The following ETS1 variants were observed in gnomAD, a reference collection of about 807,000 sequenced individuals.
ETS1 encodes the protein protein C-ets-1.
In ETS1, 15 loss-of-function variants were observed where a neutral mutation model predicts 58.6. That is an observed-to-expected ratio of 0.26 (90% CI 0.17 to 0.39). ETS1 has a LOEUF of 0.39. ETS1 is among the 10% of genes least tolerant of loss of function. The probability of loss-of-function intolerance (pLI) is 1.00; values close to 1 mark genes in which losing one functional copy is unlikely to be tolerated. For missense variants in ETS1, 417 were observed against 610.5 expected, an observed-to-expected ratio of 0.68 and a Z score of 3.34; for synonymous variants, 214 against 218.2, an observed-to-expected ratio of 0.98 and a Z score of 0.17.
chr11:128,565,975 A>T (rs976312059), intron 2 of ETS1, among the ~76,000 whole-genome samples: 1 of 152,228 alleles, frequency 6.6e-6, no homozygotes, highest in Non-Finnish European at 1.5e-5. Context: ...GAGTGTGCCA[A>T]CAACCAGAGC....
rs1322139773 is a variant in ETS1, at chr11:128,585,046, AAGAAAG to A, written c.-15+2436_-15+2441del. The stretch of plus-strand genomic sequence containing the variant: ...AAGAAAGAAAGAAAAGAAAGAAAGA[AAGAAAG>A]AAAGAAAGAAAGAAAGAAAGAAAGA... On this transcript the variant is annotated intron_variant, in intron 1 of 9. Transcript: ENST00000392668. 3.7e-3 allele frequency among the ~76,000 whole-genome samples: 87 copies of A among 23,264 alleles called. 11 individuals are homozygous for A. Among genetic ancestry groups the A allele is most frequent in the African/African-American group, 0.032 (77 of 2,424 alleles). 15.3% of individuals were successfully genotyped at this position (23,264 alleles called of 152,430 possible).
intron 3 of ETS1, among the ~76,000 whole-genome samples, chr11:128,532,321 G>A (rs1024640725): frequency 3.3e-5 from 5 of 152,236 alleles, no homozygotes; most frequent in African/African-American, 9.6e-5. Context: ...TCAAACCATC[G>A]GTGCTCTTAG....
chr11:128,578,226 G>A (rs1864792626), intron 1 of ETS1, among the ~76,000 whole-genome samples: 1 of 152,132 alleles, frequency 6.6e-6, no homozygotes, highest in East Asian at 1.9e-4. Context: ...AGGGCAGGTT[G>A]AGAGACACAG....
chr11:128,543,240 T>C (rs1381632542), intron 3 of ETS1, among the ~76,000 whole-genome samples: 1 of 151,988 alleles, frequency 6.6e-6, no homozygotes, highest in African/African-American at 2.4e-5. Flanking sequence ...TTTATAATAA[T>C]TTATTTTTCA....
intron 3 of ETS1, among the ~76,000 whole-genome samples, chr11:128,509,037 A>G (rs924642374): frequency 6.6e-5 from 10 of 152,156 alleles, no homozygotes; most frequent in Admixed American, 5.9e-4. Context: ...CCAGGGCCCA[A>G]TCTCATTAAA....
chr11:128,522,885 A>T (rs1307110208), intron 3 of ETS1, among the ~76,000 whole-genome samples: 1 of 152,156 alleles, frequency 6.6e-6, no homozygotes, highest in Non-Finnish European at 1.5e-5. Flanking sequence ...CTCCAGCCGG[A>T]TCTTGAGTCA....
chr11:128,585,553 T>C (rs1458382836), intron 1 of ETS1, among the ~76,000 whole-genome samples: 2 of 152,116 alleles, frequency 1.3e-5, no homozygotes, highest in Non-Finnish European at 2.9e-5. Flanking sequence ...AAGAGAGAAA[T>C]CTGTTGATTA....
At chr11:128,584,995 G>GA (rs1157242343) in intron 1 of ETS1, among the ~76,000 whole-genome samples, 1 of 22,282 alleles carries the variant, frequency 4.5e-5, no homozygotes, top group African/African-American at 1.7e-4. Flanking sequence ...AGAAAGGAAG[G>GA]AAGGAAGGAA....
intron 8 of ETS1, among the ~76,000 whole-genome samples, chr11:128,478,691 C>T (rs1231385612): frequency 6.6e-6 from 1 of 152,152 alleles, no homozygotes; most frequent in Non-Finnish European, 1.5e-5. Flanking sequence ...CTTCCTTTAT[C>T]ACTATATTCA....
rs1426808457 is a variant in ETS1, at chr11:128,585,190, G to A, written c.-15+2298C>T. Reference sequence around the variant, plus strand: ...AAAGAGAAAGAAAGAAAGAAAGAAGGAAGGAAAGAAAGAAAGAAAGAAAGA... The same window carrying A: ...AAAGAGAAAGAAAGAAAGAAAGAAGAAAGGAAAGAAAGAAAGAAAGAAAGA... On this transcript the variant is annotated intron_variant, in intron 1 of 9. Coordinates refer to ENST00000392668, the MANE Select transcript of ETS1 (RefSeq NM_001143820.2). 1.0e-4 allele frequency among the ~76,000 whole-genome samples: 2 copies of A among 19,162 alleles called. 1 individual carries two copies. Among genetic ancestry groups the A allele is most frequent in the Non-Finnish European group, 1.8e-4 (2 of 11,258 alleles). 12.6% of individuals were successfully genotyped at this position (19,162 alleles called of 152,430 possible).
chr11:128,492,813 G>T (rs967601764), intron 3 of ETS1, among the ~76,000 whole-genome samples: 2 of 152,144 alleles, frequency 1.3e-5, no homozygotes, highest in African/African-American at 4.8e-5. Context: ...AGAGAAAAGG[G>T]CTCTCTAGTT....
intron 8 of ETS1, among the ~76,000 whole-genome samples, chr11:128,470,659 A>G (rs976687903): frequency 6.6e-6 from 1 of 152,162 alleles, no homozygotes; most frequent in Non-Finnish European, 1.5e-5. Context: ...TTTAAAAACA[A>G]TTTTCAGTAA....
chr11:128,528,853 G>A (rs1430955540), intron 3 of ETS1, among the ~76,000 whole-genome samples: 7 of 152,126 alleles, frequency 4.6e-5, no homozygotes, highest in Non-Finnish European at 1.0e-4. Context: ...TCCCCTTAAA[G>A]GAGAATGTTG....
At chr11:128,555,872 T>G (rs1407352917) in intron 3 of ETS1, among the ~76,000 whole-genome samples, 1 of 152,156 alleles carries the variant, frequency 6.6e-6, no homozygotes, top group East Asian at 1.9e-4. Context: ...CAGGTGGGCA[T>G]GGACAGAGAG....
At chr11:128,499,911 T>C (rs1203695692) in intron 3 of ETS1, among the ~76,000 whole-genome samples, 3 of 152,262 alleles carry the variant, frequency 2.0e-5, no homozygotes, top group African/African-American at 4.8e-5. Flanking sequence ...GGCAAACAAA[T>C]GGAGTAGAGC....
chr11:128,482,781 G>C (rs1862523454), intron 7 of ETS1, among the ~76,000 whole-genome samples: 1 of 152,140 alleles, frequency 6.6e-6, no homozygotes, highest in Non-Finnish European at 1.5e-5. Flanking sequence ...CTGTCCACTA[G>C]CCAGCCTTTC....
At chr11:128,496,467 T>C (rs74976996) in intron 3 of ETS1, among the ~76,000 whole-genome samples, 2,023 of 152,220 alleles carry the variant, frequency 0.013, 54 homozygotes, top group African/African-American at 0.046. Flanking sequence ...TGAAAGGTAA[T>C]ATCATTGCCA....
intron 1 of ETS1, among the ~76,000 whole-genome samples, chr11:128,586,481 G>A (rs1180533502): frequency 6.6e-6 from 1 of 152,202 alleles, no homozygotes; most frequent in East Asian, 1.9e-4. Flanking sequence ...TGATGAAAGA[G>A]TTATAGTATC....
intron 2 of ETS1, among the ~76,000 whole-genome samples, chr11:128,559,660 G>A (rs1327399300): frequency 6.6e-6 from 1 of 152,116 alleles, no homozygotes; most frequent in African/African-American, 2.4e-5. Context: ...AGCCTTTCAT[G>A]GTTTTGTTAT....
Sources: gnomAD v4.1 joint callset for allele counts (sites outside exome capture counted in the v4.1 genomes callset) on GRCh38, gnomAD v4.1.1 for gene constraint, MANE v1.5 for transcripts, NCBI Gene and HGNC (gene_info 2026-07-23, HGNC 2026-07-21) for gene names.